The following PRKCB variants were observed in gnomAD, a reference collection of about 807,000 sequenced individuals.
PRKCB encodes the protein protein kinase C beta.
In PRKCB, 13 loss-of-function variants were observed where a neutral mutation model predicts 81.5. The observed-to-expected ratio is 0.16, with a 90% confidence interval of 0.10 to 0.25. The LOEUF (loss-of-function observed/expected upper bound fraction) is 0.25, where lower values mean the gene tolerates loss of function less well. Ranked by LOEUF, PRKCB falls within the 10% of genes least tolerant of loss-of-function variation. PRKCB has a pLI of 1.00. For missense variants in PRKCB, 509 were observed against 875.7 expected (o/e 0.58, Z 5.29); for synonymous variants, 335 against 321.4 (o/e 1.04, Z -0.45).
intron 2 of PRKCB, among the ~76,000 whole-genome samples, chr16:23,850,990 A>G (rs1185625048): frequency 6.6e-6 from 1 of 151,892 alleles, no homozygotes; most frequent in Non-Finnish European, 1.5e-5. Context: ...GAGTTGTTTG[A>G]GTTCTTTGTA....
At chr16:23,930,449 G>A (rs897177781) in intron 2 of PRKCB, among the ~76,000 whole-genome samples, 1 of 152,114 alleles carries the variant, frequency 6.6e-6, no homozygotes, top group African/African-American at 2.4e-5. Context: ...TGCACCTGTA[G>A]TCTCAGCTAC....
chr16:24,207,616 A>G (rs1968066958), intron 16 of PRKCB, among the ~76,000 whole-genome samples: 1 of 152,248 alleles, frequency 6.6e-6, no homozygotes, highest in African/African-American at 2.4e-5. Flanking sequence ...TAATACATCA[A>G]ATAGATGTAT....
intron 3 of PRKCB, among the ~76,000 whole-genome samples, chr16:24,005,701 G>A (rs1343413035): frequency 6.6e-6 from 1 of 152,150 alleles, no homozygotes; most frequent in Non-Finnish European, 1.5e-5. Flanking sequence ...TCTTGGCTCT[G>A]CCAACAAGGC....
chr16:24,193,156 G>T (rs925308232), intron 16 of PRKCB, among the ~76,000 whole-genome samples: 14 of 151,788 alleles, frequency 9.2e-5, no homozygotes, highest in African/African-American at 3.4e-4. Flanking sequence ...AATAAATGGG[G>T]TCTTGGCCGG....
intron 3 of PRKCB, among the ~76,000 whole-genome samples, chr16:24,025,452 A>G (rs1225609091): frequency 6.6e-5 from 10 of 152,238 alleles, no homozygotes; most frequent in Admixed American, 6.5e-4. Flanking sequence ...TAAATGTTCC[A>G]TAAATGTTAA....
chr16:24,114,484 C>T (rs988644692), intron 8 of PRKCB, among the ~76,000 whole-genome samples: 6 of 151,948 alleles, frequency 3.9e-5, no homozygotes, highest in African/African-American at 1.4e-4. Context: ...TGGCTGTGAC[C>T]TTGAGTTACA....
At chr16:23,993,120 A>G (rs750951301) in intron 3 of PRKCB, among the ~76,000 whole-genome samples, 1 of 152,172 alleles carries the variant, frequency 6.6e-6, no homozygotes, top group Non-Finnish European at 1.5e-5. Flanking sequence ...CCTAAACGTG[A>G]GATGCACTGT....
rs184145938 is a variant in PRKCB, at chr16:24,177,112, A to G, written c.1394+2532A>G. On this transcript the variant is annotated intron_variant, in intron 12 of 16. Transcript: ENST00000643927. ...AACTGGGTTCTTGAGAAGATTAAAT[A>G]TGGAACTACAAGTTTATTGGAAGAA... is the stretch of plus-strand genomic sequence containing the variant. 2.0e-5 allele frequency among the ~76,000 whole-genome samples: 3 copies of G among 152,312 alleles called. No individual in the cohort carries two copies. In the East Asian group the frequency reaches 5.8e-4, roughly 29 times the overall value.
At chr16:24,074,424 A>G (rs1236701614) in intron 5 of PRKCB, among the ~76,000 whole-genome samples, 2 of 152,198 alleles carry the variant, frequency 1.3e-5, no homozygotes, top group African/African-American at 4.8e-5. Flanking sequence ...AATGGGGAAA[A>G]CAGTAACACT....
intron 9 of PRKCB, among the ~76,000 whole-genome samples, chr16:24,133,502 A>G (rs1262895832): frequency 6.6e-6 from 1 of 152,140 alleles, no homozygotes; most frequent in Non-Finnish European, 1.5e-5. Flanking sequence ...AAGTCTTGGA[A>G]GCATCTCTAG....
chr16:24,146,060 C>T lies in PRKCB; in HGVS notation c.1066-8624C>T, dbSNP rs147726688. Reference sequence around the variant, plus strand: ...CGACAGAACACACAGGGAAGAATACCAGGGGAAGACAGAGGCAGAGATTGG... The same window carrying T: ...CGACAGAACACACAGGGAAGAATACTAGGGGAAGACAGAGGCAGAGATTGG... On this transcript the variant is annotated intron_variant, in intron 9 of 16. Transcript: ENST00000643927. 3.5e-3 allele frequency among the ~76,000 whole-genome samples: 528 copies of T among 152,172 alleles called. 4 individuals carry two copies. Among genetic ancestry groups the T allele is most frequent in the Admixed American group, 5.3e-3 (81 of 15,284 alleles).
At chr16:23,850,377 T>A (rs78227872) in intron 2 of PRKCB, among the ~76,000 whole-genome samples, 52 of 152,068 alleles carry the variant, frequency 3.4e-4, no homozygotes, top group African/African-American at 6.3e-4. Context: ...TAATTTTTTT[T>A]AATTTGAGAC....
At position 24,020,228 on chromosome 16, in the gene PRKCB, G is replaced by A. The variant is rs535963784; in HGVS notation, c.289-11908G>A. ...CTTCATTTTAAGGTGCATTAGAAAA[G>A]GCAGTTTGCATATTGATCCCATGAG... On this transcript the variant is annotated intron_variant, in intron 3 of 16. Coordinates refer to ENST00000643927, the MANE Select transcript of PRKCB (RefSeq NM_002738.7). 2.0e-5 allele frequency among the ~76,000 whole-genome samples: 3 copies of A among 152,132 alleles called. No individual in the cohort carries two copies. In the South Asian group the frequency reaches 6.2e-4, roughly 32 times the overall value.
rs1277598221 is a variant in PRKCB at position 24,167,600 on chromosome 16, C to T, written c.1240-4670C>T. On this transcript the variant is annotated intron_variant, in intron 10 of 16. Transcript: ENST00000643927. ...AAAAAATTGGTTAACTTGTGCTCTC[C>T]TGTAACCTGCCAGCTTCTGTCTTGA... Among the ~76,000 whole-genome samples the T allele has an allele frequency of 2.6e-5, 4 of 152,170 alleles. No individual in the cohort carries two copies. The East Asian group carries it at 7.7e-4, about 29-fold the overall frequency.
At chr16:23,919,031 A>C (rs952543293) in intron 2 of PRKCB, among the ~76,000 whole-genome samples, 4 of 152,244 alleles carry the variant, frequency 2.6e-5, no homozygotes, top group African/African-American at 4.8e-5. Flanking sequence ...AATTCCGTTT[A>C]GATACAGTTT....
At chr16:23,872,550 A>G (rs887798628) in intron 2 of PRKCB, among the ~76,000 whole-genome samples, 2 of 152,036 alleles carry the variant, frequency 1.3e-5, no homozygotes, top group African/African-American at 4.8e-5. Context: ...AATAAATAAA[A>G]GTTAAATATA....
intron 10 of PRKCB, among the ~76,000 whole-genome samples, chr16:24,158,331 C>T (rs966748505): frequency 6.6e-6 from 1 of 152,064 alleles, no homozygotes. Flanking sequence ...ATAATGCCTA[C>T]TATATGTGAG....
At chr16:24,213,313 G>A (rs776930600) in intron 16 of PRKCB, among the ~76,000 whole-genome samples, 5 of 152,150 alleles carry the variant, frequency 3.3e-5, no homozygotes, top group Non-Finnish European at 7.4e-5. Context: ...GATTACAGGC[G>A]TGAGCCACTG....
intron 2 of PRKCB, among the ~76,000 whole-genome samples, chr16:23,971,365 T>C (rs1299783196): frequency 6.6e-6 from 1 of 152,178 alleles, no homozygotes; most frequent in East Asian, 1.9e-4. Context: ...GTGCTCCTTC[T>C]CTCCTCCCCT....
Sources: allele counts gnomAD v4.1 joint callset (sites outside exome capture counted in the v4.1 genomes callset), GRCh38; gene constraint gnomAD v4.1.1; transcripts MANE v1.5; gene names NCBI Gene and HGNC (gene_info 2026-07-23, HGNC 2026-07-21).